Variants in NYAP2 observed in about 807,000 individuals in gnomAD.
NYAP2 encodes the protein neuronal tyrosine-phosphorylated phosphoinositide-3-kinase adaptor 2, also known as neuronal tyrosine-phosphorylated phosphoinositide-3-kinase adapter 2.
In NYAP2, 23 loss-of-function variants were observed where a neutral mutation model predicts 50.4. That is an observed-to-expected ratio of 0.46 (90% CI 0.33 to 0.65). NYAP2 has a LOEUF of 0.65. Ranked by LOEUF, NYAP2 falls within the 30% of genes least tolerant of loss-of-function variation. The probability of loss-of-function intolerance (pLI) is 0.02; values close to 1 mark genes in which losing one functional copy is unlikely to be tolerated. For missense variants in NYAP2, 885 were observed against 861.0 expected (o/e 1.03, Z -0.35); for synonymous variants, 394 against 365.2 (o/e 1.08, Z -0.90).
chr2:225,646,217 G>T (rs1175273886), intron 6 of NYAP2, among the ~76,000 whole-genome samples: 1 of 152,162 alleles, frequency 6.6e-6, no homozygotes, highest in East Asian at 1.9e-4. Context: ...TGAAAGAAGA[G>T]CCAAAATAAA....
At chr2:225,670,278 G>A in the NYAP2 span, among the ~76,000 whole-genome samples, 5 of 152,200 alleles carry the variant, frequency 3.3e-5, no homozygotes, top group South Asian at 2.1e-4. Flanking sequence ...GTGCATGCTC[G>A]TGTGTCAAGT....
chr2:225,654,662 C>T (rs1239009026), downstream of NYAP2, among the ~76,000 whole-genome samples: 1 of 152,002 alleles, frequency 6.6e-6, no homozygotes, highest in Non-Finnish European at 1.5e-5. Flanking sequence ...CCACCCTGGG[C>T]AACAGAGTTA....
intron 6 of NYAP2, among the ~76,000 whole-genome samples, chr2:225,640,503 G>A (rs925089376): frequency 1.3e-5 from 2 of 152,168 alleles, no homozygotes; most frequent in Non-Finnish European, 2.9e-5. Flanking sequence ...TACAGCAAGG[G>A]AGCCTTAGTG....
At chr2:225,603,597 T>C (rs1451926359) in intron 5 of NYAP2, among the ~76,000 whole-genome samples, 1 of 152,012 alleles carries the variant, frequency 6.6e-6, no homozygotes, top group Admixed American at 6.6e-5. Flanking sequence ...AGGAAGGGTG[T>C]TGTGTTTTCT....
At chr2:225,537,142 C>T (rs1311211841) in intron 4 of NYAP2, among the ~76,000 whole-genome samples, 2 of 152,262 alleles carry the variant, frequency 1.3e-5, no homozygotes, top group Middle Eastern at 3.4e-3. Flanking sequence ...CAACCCCCTA[C>T]TACCATCCCA....
chr2:225,512,852 T>TCTTTCTTC (rs1690852431), intron 3 of NYAP2, among the ~76,000 whole-genome samples: 53 of 123,664 alleles, frequency 4.3e-4, no homozygotes, highest in African/African-American at 1.5e-3. Context: ...TTTCTTTCTT[T>TCTTTCTTC]CTTCCTTCCT....
chr2:225,539,170 T>C (rs949667242), intron 4 of NYAP2, among the ~76,000 whole-genome samples: 2 of 152,196 alleles, frequency 1.3e-5, no homozygotes, highest in East Asian at 3.9e-4. Context: ...GCAAAAGATA[T>C]AAACACATCC....
intron 3 of NYAP2, 75 bp downstream of exon 3, chr2:225,409,176 G>T: frequency 1.8e-6 from 2 of 1,100,584 alleles, no homozygotes; most frequent in Non-Finnish European, 2.6e-6. Flanking sequence ...TTGTGATGTT[G>T]TCACTTGGTC....
intron 5 of NYAP2, among the ~76,000 whole-genome samples, chr2:225,605,338 T>A (rs1422723813): frequency 8.5e-5 from 13 of 152,150 alleles, no homozygotes; most frequent in Admixed American, 8.5e-4. Flanking sequence ...GGAACTCTTA[T>A]CTTTTTTAAA....
At chr2:225,586,121 C>A (rs1372530411) in intron 5 of NYAP2, among the ~76,000 whole-genome samples, 2 of 152,136 alleles carry the variant, frequency 1.3e-5, no homozygotes, top group African/African-American at 4.8e-5. Context: ...TTAATCTCAA[C>A]AAATATAGTC....
intron 4 of NYAP2, among the ~76,000 whole-genome samples, chr2:225,534,075 A>C (rs536275040): frequency 6.6e-6 from 1 of 152,258 alleles, no homozygotes; most frequent in Non-Finnish European, 1.5e-5. Flanking sequence ...CATTAAAAAA[A>C]AACAACCGAA....
intron 5 of NYAP2, among the ~76,000 whole-genome samples, chr2:225,585,638 C>T (rs1692376488): frequency 6.6e-6 from 1 of 152,164 alleles, no homozygotes; most frequent in South Asian, 2.1e-4. Context: ...GTTACATTAA[C>T]CTCAATATTT....
At chr2:225,439,806 T>C (rs1689442382) in intron 3 of NYAP2, among the ~76,000 whole-genome samples, 1 of 152,198 alleles carries the variant, frequency 6.6e-6, no homozygotes, top group Non-Finnish European at 1.5e-5. Flanking sequence ...TTTATTTTTA[T>C]TTTTTTGCAG....
At chr2:225,545,624 A>G (rs1223646832) in intron 4 of NYAP2, among the ~76,000 whole-genome samples, 2 of 152,154 alleles carry the variant, frequency 1.3e-5, no homozygotes, top group African/African-American at 2.4e-5. Context: ...AGTTTCCTCA[A>G]AACAGCTATT....
chr2:225,448,464 T>C (rs1262573427), intron 3 of NYAP2, among the ~76,000 whole-genome samples: 2 of 152,218 alleles, frequency 1.3e-5, no homozygotes, highest in African/African-American at 4.8e-5. Context: ...ATCACTGAAT[T>C]AATGTGCCCA....
At chr2:225,420,405 A>G (rs1052876390) in intron 3 of NYAP2, among the ~76,000 whole-genome samples, 5 of 152,150 alleles carry the variant, frequency 3.3e-5, no homozygotes, top group South Asian at 4.1e-4. Flanking sequence ...TACAAGAACT[A>G]AAACCTAAAA....
At chr2:225,529,067 A>T (rs1284988822) in intron 4 of NYAP2, among the ~76,000 whole-genome samples, 1 of 152,232 alleles carries the variant, frequency 6.6e-6, no homozygotes, top group African/African-American at 2.4e-5. Flanking sequence ...ATATGAAAGC[A>T]TTAGAAAGTA....
intron 6 of NYAP2, among the ~76,000 whole-genome samples, chr2:225,647,681 C>T (rs2106270215): frequency 6.6e-6 from 1 of 152,208 alleles, no homozygotes; most frequent in South Asian, 2.1e-4. Context: ...AAGAAAAATA[C>T]ATAATAATTG....
chr2:225,617,288 G>T (rs1260200526), intron 5 of NYAP2, among the ~76,000 whole-genome samples: 1 of 152,116 alleles, frequency 6.6e-6, no homozygotes, highest in Non-Finnish European at 1.5e-5. Flanking sequence ...AAAAAGCTGG[G>T]TGTGGAGGTG....
Sources: allele counts gnomAD v4.1 joint callset (sites outside exome capture counted in the v4.1 genomes callset), GRCh38; gene constraint gnomAD v4.1.1; transcripts MANE v1.5; gene names NCBI Gene and HGNC (gene_info 2026-07-23, HGNC 2026-07-21).